BEAN1: variants seen among roughly 807,000 people sequenced by gnomAD.
BEAN1 encodes brain expressed associated with NEDD4 1.
A neutral mutation model predicts 17.7 loss-of-function variants in BEAN1; 17 were observed. The observed-to-expected ratio is 0.96, with a 90% CI of 0.66 to 1.44. The LOEUF (loss-of-function observed/expected upper bound fraction) is 1.44, where lower values mean the gene tolerates loss of function less well. Ranked by LOEUF, BEAN1 falls within the 40% of genes most tolerant of loss-of-function variation. The probability of loss-of-function intolerance (pLI) is 0.00; values close to 1 mark genes in which losing one functional copy is unlikely to be tolerated. For missense variants in BEAN1, 359 were observed against 374.1 expected, an observed-to-expected ratio of 0.96 and a Z score of 0.33; for synonymous variants, 142 against 151.8, an observed-to-expected ratio of 0.94 and a Z score of 0.47.
rs969708559 is a variant in BEAN1 at position 66,434,922 on chromosome 16, C to G, written c.-82-2673C>G. 2.6e-5 allele frequency among the ~76,000 whole-genome samples: 4 copies of G among 152,120 alleles called. No homozygotes were observed. The highest frequency in any genetic ancestry group is 4.4e-5 in the Non-Finnish European group (3 of 68,030). The stretch of plus-strand genomic sequence containing the variant: ...GTTTGCAGAGGCCACACTGACCCTC[C>G]ATGCCCTCGAGGAGCTACTGGTCTA... On this transcript the variant is annotated intron_variant, in intron 1 of 4. Transcript: ENST00000536005. This position sits in a 1 kb window ranked among gnomAD's most constrained non-coding sequence, Gnocchi z 4.3.
At chr16:66,465,823 C>T (rs1567499415) in intron 2 of BEAN1, among the ~76,000 whole-genome samples, 1 of 152,312 alleles carries the variant, frequency 6.6e-6, no homozygotes, top group East Asian at 1.9e-4. Flanking sequence ...TTTTTCCTTA[C>T]TTTTGTGTAT....
chr16:66,428,312 A>T (rs1321777316), intron 1 of BEAN1: 1 of 152,434 alleles, frequency 6.6e-6, no homozygotes, highest in African/African-American at 2.4e-5. Context: ...GGCGGGGCGC[A>T]GGCTGGGAAA....
chr16:66,486,330 G>C (rs1964088885), downstream of BEAN1, among the ~76,000 whole-genome samples: 1 of 152,182 alleles, frequency 6.6e-6, no homozygotes, highest in African/African-American at 2.4e-5. Context: ...CCAGGTTCAA[G>C]CGATTAGCCT....
At position 66,440,837 on chromosome 16, in the gene BEAN1, C is replaced by G. The variant is rs1962229033; in HGVS notation, c.25+3136C>G. Among the ~76,000 whole-genome samples the G allele has an allele frequency of 3.3e-5, 5 of 152,312 alleles. No individual in the cohort carries two copies. In the South Asian group the frequency reaches 1.0e-3, roughly 32 times the overall value. On this transcript the variant is annotated intron_variant, in intron 2 of 4. Coordinates refer to ENST00000536005, the MANE Select transcript of BEAN1 (RefSeq NM_001178020.3). The stretch of plus-strand genomic sequence containing the variant: ...CAAACTGAATTCTTTGTCTTCCTCT[C>G]TAGGCCAGCTTTGCTTGATTTTGCT...
chr16:66,444,961 CT>C (rs1678250887), intron 2 of BEAN1, among the ~76,000 whole-genome samples: 1 of 152,214 alleles, frequency 6.6e-6, no homozygotes, highest in African/African-American at 2.4e-5. Context: ...ACAGTCATCC[CT>C]GATATCAGGC....
chr16:66,456,138 A>G (rs1391129840), intron 2 of BEAN1, among the ~76,000 whole-genome samples: 7 of 152,256 alleles, frequency 4.6e-5, no homozygotes, highest in Admixed American at 4.6e-4. Flanking sequence ...TCCAAGGACT[A>G]AAACCTTTAC....
chr16:66,449,520 T>A (rs914666869), intron 2 of BEAN1, among the ~76,000 whole-genome samples: 4 of 144,028 alleles, frequency 2.8e-5, no homozygotes, highest in Admixed American at 7.3e-5. Context: ...GGCAGGAGAA[T>A]CTCTTGAACC....
intron 2 of BEAN1, among the ~76,000 whole-genome samples, chr16:66,456,881 T>C (rs945862059): frequency 6.6e-6 from 1 of 152,252 alleles, no homozygotes; most frequent in Non-Finnish European, 1.5e-5. Flanking sequence ...AGAATGTATC[T>C]TAATAGTGGA....
chr16:66,455,708 A>G (rs2142406536), intron 2 of BEAN1, among the ~76,000 whole-genome samples: 1 of 150,490 alleles, frequency 6.6e-6, no homozygotes, highest in East Asian at 1.9e-4. Context: ...TTTTTTTGAA[A>G]CAGAGTCTTA....
In BEAN1 at chr16:66,469,813, C is replaced by CCACCAT. The variant is rs1567502058; in HGVS notation, c.240_245dup (p.His83_His84dup). ...GCCACCGCCACCACCGCCACCACCACCACCATCATCACCACCGCCGGCGTC... is the reference window on the plus strand; with the variant it reads ...GCCACCGCCACCACCGCCACCACCACCACCATCACCATCATCACCACCGCCGGCGTC... On this transcript the variant is annotated inframe_insertion, in exon 3 of 5. Coordinates refer to ENST00000536005, the MANE Select transcript of BEAN1 (RefSeq NM_001178020.3). 3 of 1,535,714 alleles carry CCACCAT rather than the reference C, an allele frequency of 2.0e-6. No homozygotes were observed. The highest frequency in any genetic ancestry group is 2.6e-6 in the Non-Finnish European group (3 of 1,146,834).
Position 66,437,580 on chromosome 16 carries a change from T to G in BEAN1, c.-82-15T>G. 1 of 1,394,352 alleles carries G rather than the reference T, an allele frequency of 7.2e-7. No individual in the cohort carries two copies. The highest frequency in any genetic ancestry group is 9.7e-7 in the Non-Finnish European group (1 of 1,031,728). 86.4% of individuals were successfully genotyped at this position (1,394,352 alleles called of 1,614,324 possible). On this transcript the variant is annotated splice_polypyrimidine_tract_variant and intron_variant, in intron 1 of 4. Coordinates refer to ENST00000536005, the MANE Select transcript of BEAN1 (RefSeq NM_001178020.3). The stretch of plus-strand genomic sequence containing the variant: ...CCATGGGCCCCCCAACACCTGCCTG[T>G]TTGTGTCTCCGCAGGTGAGTGGAGG...
intron 3 of BEAN1, chr16:66,470,155 G>A (rs1042584795): frequency 7.7e-6 from 4 of 521,240 alleles, no homozygotes; most frequent in Non-Finnish European, 1.4e-5. Flanking sequence ...CCAAGGGCTG[G>A]TCCATCTGGT....
intron 2 of BEAN1, among the ~76,000 whole-genome samples, chr16:66,464,710 T>C (rs149293627): frequency 6.6e-6 from 1 of 152,354 alleles, no homozygotes; most frequent in African/African-American, 2.4e-5. Context: ...GGTTTGGTCA[T>C]TGCTACCATA....
chr16:66,448,388 T>C (rs755793224), intron 2 of BEAN1, among the ~76,000 whole-genome samples: 2 of 152,198 alleles, frequency 1.3e-5, no homozygotes, highest in South Asian at 4.1e-4. Context: ...TCAGGGATTC[T>C]TTTTTTCTTT....
chr16:66,492,907 C>T (rs1964194599), intron 4 of BEAN1: 1 of 659,194 alleles, frequency 1.5e-6, no homozygotes, highest in East Asian at 2.7e-5. Context: ...TGGCCCCTCT[C>T]AGCCACTCTG....
In BEAN1 at chr16:66,439,801, G is replaced by C. The variant is rs181044187; in HGVS notation, c.25+2100G>C. On this transcript the variant is annotated intron_variant, in intron 2 of 4. Transcript: ENST00000536005. ...GGGAGAAGCTGAAGCCCCTGACTCTGCCACCAGATCCCTCCATGACTTTGA... is the reference window on the plus strand; with the variant it reads ...GGGAGAAGCTGAAGCCCCTGACTCTCCCACCAGATCCCTCCATGACTTTGA... 4.7e-3 allele frequency among the ~76,000 whole-genome samples: 713 copies of C among 152,268 alleles called. 2 individuals carry two copies. The highest frequency in any genetic ancestry group is 0.01 in the African/African-American group (430 of 41,552).
At chr16:66,488,650 C>T (rs1185998540) in intron 4 of BEAN1, among the ~76,000 whole-genome samples, 1 of 151,692 alleles carries the variant, frequency 6.6e-6, no homozygotes, top group Non-Finnish European at 1.5e-5. Flanking sequence ...AGTGAGCTGA[C>T]TGTGCCACTG....
chr16:66,463,577 C>T (rs1023808806), intron 2 of BEAN1, among the ~76,000 whole-genome samples: 4 of 152,140 alleles, frequency 2.6e-5, no homozygotes, highest in African/African-American at 4.8e-5. Flanking sequence ...ATATCTTCTC[C>T]GATTCTACCG....
chr16:66,494,453 T>C (rs938736843), downstream of BEAN1, among the ~76,000 whole-genome samples: 3 of 152,100 alleles, frequency 2.0e-5, no homozygotes, highest in Non-Finnish European at 4.4e-5. Context: ...TGAGGTGTGC[T>C]CAGTGCCCAT....
Sources: gnomAD v4.1 joint callset for allele counts (sites outside exome capture counted in the v4.1 genomes callset) on GRCh38, gnomAD v4.1.1 for gene constraint, Gnocchi (gnomAD v3.1) non-coding constraint, MANE v1.5 for transcripts, NCBI Gene and HGNC (gene_info 2026-07-23, HGNC 2026-07-21) for gene names.